The following KLHL29 variants were observed in gnomAD, a reference collection of about 807,000 sequenced individuals.
KLHL29 encodes the protein kelch like family member 29.
KLHL29 carries 21 observed loss-of-function variants against 80.4 expected under a neutral mutation model. The ratio of observed to expected loss-of-function variants is 0.26; its 90% CI spans 0.19 to 0.38. The LOEUF is 0.38. KLHL29 is among the 10% of genes least tolerant of loss of function. The probability of loss-of-function intolerance (pLI) is 1.00; values close to 1 mark genes in which losing one functional copy is unlikely to be tolerated. For missense variants in KLHL29, 867 were observed against 1,223.9 expected, an observed-to-expected ratio of 0.71 and a Z score of 4.35; for synonymous variants, 511 against 526.8, an observed-to-expected ratio of 0.97 and a Z score of 0.41.
rs1299042089 is a variant in KLHL29 at position 23,695,594 on chromosome 2, A to T, written c.1543-29A>T. On this transcript the variant is annotated intron_variant, in intron 8 of 13. Transcript: ENST00000486442. The surrounding 1 kb of genome is among the most constrained non-coding windows in gnomAD (Gnocchi z 7.6). ...GGAGGTGGCTCTCTCTTGCTAGTCTAAGAAGATTCTGTCTCCTGTACCCTG... is the reference window on the plus strand; with the variant it reads ...GGAGGTGGCTCTCTCTTGCTAGTCTTAGAAGATTCTGTCTCCTGTACCCTG... 1.3e-6 allele frequency: 2 copies of T among 1,497,142 alleles called. No individual in the cohort carries two copies. Among genetic ancestry groups the T allele is most frequent in the Admixed American group, 4.4e-5 (2 of 45,694 alleles). 92.7% of individuals were successfully genotyped at this position (1,497,142 alleles called of 1,614,324 possible).
At chr2:23,458,587 C>T (rs569873837) in intron 1 of KLHL29, among the ~76,000 whole-genome samples, 11 of 152,332 alleles carry the variant, frequency 7.2e-5, no homozygotes, top group Admixed American at 2.6e-4. Flanking sequence ...ATTATGAACA[C>T]GTGTTCTCAT....
chr2:23,463,786 C>T (rs1181937391), intron 1 of KLHL29, among the ~76,000 whole-genome samples: 2 of 152,194 alleles, frequency 1.3e-5, no homozygotes. Flanking sequence ...TGGAAATATG[C>T]ACTGCGCTTC....
At chr2:23,656,354 G>A (rs925279936) in intron 5 of KLHL29, among the ~76,000 whole-genome samples, 1 of 152,228 alleles carries the variant, frequency 6.6e-6, no homozygotes, top group Admixed American at 6.5e-5. Context: ...CCAGAGCAGA[G>A]AACCAACTGG....
intron 3 of KLHL29, among the ~76,000 whole-genome samples, chr2:23,637,094 C>T (rs1669632844): frequency 6.6e-6 from 1 of 152,192 alleles, no homozygotes; most frequent in Non-Finnish European, 1.5e-5. Context: ...GGCTTCTGTA[C>T]TGTCCAGGAA....
intron 2 of KLHL29, among the ~76,000 whole-genome samples, chr2:23,550,574 G>A (rs894586913): frequency 1.3e-5 from 2 of 152,210 alleles, no homozygotes; most frequent in South Asian, 2.1e-4. Flanking sequence ...TAAAAGAGTG[G>A]TCGAGTCTCT....
intron 13 of KLHL29, 38 bp downstream of exon 13, chr2:23,703,901 A>C (rs1254573844): frequency 6.6e-7 from 1 of 1,516,108 alleles, no homozygotes; most frequent in Non-Finnish European, 8.8e-7. Flanking sequence ...GCTGGGACGG[A>C]GGAGTGGGAG....
chr2:23,449,543 T>C (rs1663806396), intron 1 of KLHL29, among the ~76,000 whole-genome samples: 1 of 152,166 alleles, frequency 6.6e-6, no homozygotes, highest in South Asian at 2.1e-4. Flanking sequence ...GATCTCTCAC[T>C]AAGTAGGCTG....
rs1046145238 is a variant in KLHL29 at position 23,418,157 on chromosome 2, G to A, written c.-154+32377G>A. ...CTGTGGGGTCCTGCCCTCTCACTGC[G>A]GCAGTGGGCTTTCCAAACTGAAGAG... On this transcript the variant is annotated intron_variant, in intron 1 of 13. Coordinates refer to ENST00000486442, the MANE Select transcript of KLHL29 (RefSeq NM_052920.2). 2.4e-4 allele frequency among the ~76,000 whole-genome samples: 36 copies of A among 152,304 alleles called. 1 individual carries two copies. Among genetic ancestry groups the A allele is most frequent in the African/African-American group, 7.5e-4 (31 of 41,562 alleles).
intron 5 of KLHL29, among the ~76,000 whole-genome samples, chr2:23,657,844 C>T (rs1302068032): frequency 1.3e-5 from 2 of 152,200 alleles, no homozygotes; most frequent in African/African-American, 2.4e-5. Flanking sequence ...TTCCGGGCTC[C>T]TGAGGCTCTG....
chr2:23,543,082 G>A (rs927791273), intron 2 of KLHL29, among the ~76,000 whole-genome samples: 2 of 152,216 alleles, frequency 1.3e-5, no homozygotes, highest in Non-Finnish European at 1.5e-5. Flanking sequence ...AGGAGCCCGA[G>A]AAGAACCAAG....
chr2:23,549,414 G>A (rs1281118768), intron 2 of KLHL29, among the ~76,000 whole-genome samples: 2 of 152,026 alleles, frequency 1.3e-5, no homozygotes, highest in African/African-American at 4.8e-5. Flanking sequence ...CTTGGGTGGT[G>A]ATAAAACACA....
chr2:23,478,709 G>C (rs1265506005), intron 2 of KLHL29, among the ~76,000 whole-genome samples: 1 of 152,126 alleles, frequency 6.6e-6, no homozygotes, highest in Non-Finnish European at 1.5e-5. Context: ...GATCGTCACT[G>C]GTGCTGGAGC....
rs1241691875 is a variant in KLHL29, at chr2:23,547,530, TTGG to T, written c.-45-14620_-45-14618del. ...AAAAGAGCTGGTGCATGCACAGCCC[TTGG>T]TACGGTAGCCAGCACACAGTAAGTG... On this transcript the variant is annotated intron_variant, in intron 2 of 13. Transcript: ENST00000486442. Among the ~76,000 whole-genome samples the T allele has an allele frequency of 2.0e-5, 3 of 152,170 alleles. No homozygotes were observed. The East Asian group carries it at 5.8e-4, about 29-fold the overall frequency.
At chr2:23,635,724 G>A (rs1402638315) in intron 3 of KLHL29, among the ~76,000 whole-genome samples, 1 of 152,256 alleles carries the variant, frequency 6.6e-6, no homozygotes, top group East Asian at 1.9e-4. Context: ...GGGCCACTCC[G>A]TGGGGCCAGG....
At chr2:23,496,629 G>A (rs545794190) in intron 2 of KLHL29, among the ~76,000 whole-genome samples, 2 of 152,350 alleles carry the variant, frequency 1.3e-5, no homozygotes, top group South Asian at 4.1e-4. Context: ...CAGGAAGCAA[G>A]GCCTCAGTGG....
At position 23,696,616 on chromosome 2, in the gene KLHL29, C is replaced by A; in HGVS notation, c.2105+103C>A. On this transcript the variant is annotated intron_variant, in intron 11 of 13. Transcript: ENST00000486442. The surrounding 1 kb of genome is among the most constrained non-coding windows in gnomAD (Gnocchi z 5.5). ...CAACACCCACTCAGTGGCGATGGAG[C>A]AGAGCCTGGACCATTCATATGGGCA... 1.1e-6 allele frequency: 1 copy of A among 938,988 alleles called. No individual in the cohort carries two copies. Among genetic ancestry groups the A allele is most frequent in the Non-Finnish European group, 1.6e-6 (1 of 632,382 alleles). 58.2% of individuals were successfully genotyped at this position (938,988 alleles called of 1,614,324 possible).
intron 1 of KLHL29, among the ~76,000 whole-genome samples, chr2:23,416,650 C>T (rs1666987974): frequency 6.6e-6 from 1 of 152,228 alleles, no homozygotes; most frequent in African/African-American, 2.4e-5. Flanking sequence ...TACTGAAACT[C>T]TTCCTGGAGA....
At chr2:23,675,922 A>G (rs911137106) in intron 5 of KLHL29, among the ~76,000 whole-genome samples, 3 of 152,164 alleles carry the variant, frequency 2.0e-5, no homozygotes, top group Admixed American at 6.5e-5. Flanking sequence ...ACGCATCTGC[A>G]TGTGGTCTGT....
Position 23,665,175 on chromosome 2 carries a change from C to T in KLHL29, c.941-19224C>T, listed in dbSNP as rs79108196. On this transcript the variant is annotated intron_variant, in intron 5 of 13. Coordinates refer to ENST00000486442, the MANE Select transcript of KLHL29 (RefSeq NM_052920.2). ...AGAACTAGGAGTGAGGACAGTGAGGCCAGCCTGTGTATCCTGACACCACAT... is the reference window on the plus strand; with the variant it reads ...AGAACTAGGAGTGAGGACAGTGAGGTCAGCCTGTGTATCCTGACACCACAT... Among the ~76,000 whole-genome samples the T allele has an allele frequency of 6.6e-5, 10 of 152,306 alleles. No individual in the cohort carries two copies. In the East Asian group the frequency reaches 1.5e-3, roughly 24 times the overall value.
Sources: allele counts gnomAD v4.1 joint callset (sites outside exome capture counted in the v4.1 genomes callset), GRCh38; gene constraint gnomAD v4.1.1; non-coding constraint Gnocchi (gnomAD v3.1); transcripts MANE v1.5; gene names NCBI Gene and HGNC (gene_info 2026-07-23, HGNC 2026-07-21).